Variants in UGT1A10 observed in about 807,000 individuals in gnomAD.
The protein encoded by UGT1A10 is UDP-glucuronosyltransferase 1A10.
Under a neutral mutation model 45.8 loss-of-function variants are expected in UGT1A10, and 49 were observed. That is an observed-to-expected ratio of 1.07 (90% CI 0.85 to 1.36). The LOEUF (loss-of-function observed/expected upper bound fraction) is 1.36, where lower values mean the gene tolerates loss of function less well. Among genes scored for constraint, UGT1A10 ranks in the 40% most tolerant of loss-of-function variants. The probability of loss-of-function intolerance (pLI) is 0.00; values close to 1 mark genes in which losing one functional copy is unlikely to be tolerated. For missense variants in UGT1A10, 745 were observed against 668.6 expected (o/e 1.11, Z -1.26); for synonymous variants, 284 against 249.7 (o/e 1.14, Z -1.29).
chr2:233,755,346 G>A (rs1313684064), intron 1 of UGT1A10: 3 of 411,522 alleles, frequency 7.3e-6, no homozygotes, highest in African/African-American at 6.3e-5. Context: ...CAGGTCAGAG[G>A]CTTGGCGACC....
In UGT1A10 at chr2:233,761,168, G is replaced by T. The variant is rs747133515; in HGVS notation, c.856-5866G>T. 6 of 1,614,050 alleles carry T rather than the reference G, an allele frequency of 3.7e-6. No individual in the cohort carries two copies. In the African/African-American group the frequency reaches 8.0e-5, roughly 22 times the overall value. On this transcript the variant is annotated intron_variant, in intron 1 of 4. Transcript: ENST00000344644. ...CTATCCCAGGTGTGTATTGGAGTGG[G>T]ACTTTTACATGCGTATATTCTTTCA...
intron 1 of UGT1A10, among the ~76,000 whole-genome samples, chr2:233,739,818 A>T (rs1185619139): frequency 6.6e-6 from 1 of 151,978 alleles, no homozygotes; most frequent in Non-Finnish European, 1.5e-5. Context: ...ATTGGTTTTT[A>T]AATGTGAAAA....
intron 1 of UGT1A10, chr2:233,719,180 A>G (rs778527211): frequency 1.6e-5 from 26 of 1,614,056 alleles, no homozygotes; most frequent in Admixed American, 1.3e-4. Flanking sequence ...TGAACAATGT[A>G]TCTTTGGCCC....
At chr2:233,766,928 C>A in intron 1 of UGT1A10, 106 bp from the exon 2 acceptor site, 12 of 1,578,030 alleles carry the variant, frequency 7.6e-6, no homozygotes, top group Non-Finnish European at 9.4e-6. Context: ...ACACGCATGC[C>A]TTTAATCATA....
chr2:233,637,391 C>T lies in UGT1A10; in HGVS notation c.855+14C>T. On this transcript the variant is annotated intron_variant, in intron 1 of 4. Transcript: ENST00000344644. ...CCATTGCCTATGGTAAGTCACCTCT[C>T]CTTTAGCACATTAAGAATAATCTGG... 1 of 1,600,848 alleles carries T rather than the reference C, an allele frequency of 6.2e-7. No homozygotes were observed.
At chr2:233,639,074 G>A (rs1427524020) in intron 1 of UGT1A10, among the ~76,000 whole-genome samples, 2 of 151,976 alleles carry the variant, frequency 1.3e-5, no homozygotes, top group Admixed American at 6.6e-5. Flanking sequence ...TGGCTCACAG[G>A]GTCACCTAGA....
intron 1 of UGT1A10, chr2:233,672,769 C>T (rs144459337): frequency 1.9e-6 from 3 of 1,613,536 alleles, no homozygotes; most frequent in African/African-American, 1.3e-5. Context: ...CAACTGCCAT[C>T]AGGGAAAGCC....
intron 1 of UGT1A10, among the ~76,000 whole-genome samples, chr2:233,684,647 T>A (rs1458462010): frequency 6.6e-6 from 1 of 152,170 alleles, no homozygotes; most frequent in African/African-American, 2.4e-5. Flanking sequence ...AATATATGCA[T>A]TTATATGCCT....
rs72551343 is a variant in UGT1A10, at chr2:233,760,912, C to T, written c.856-6122C>T. 1.4e-5 allele frequency: 23 copies of T among 1,614,070 alleles called. 1 individual carries two copies. In the South Asian group the frequency reaches 1.5e-4, roughly 11 times the overall value. On this transcript the variant is annotated intron_variant, in intron 1 of 4. Transcript: ENST00000344644. ...TTCAGATCACATGACCTTCCTGCAGCGGGTGAAGAACATGCTCATTGCCTT... is the reference window on the plus strand; with the variant it reads ...TTCAGATCACATGACCTTCCTGCAGTGGGTGAAGAACATGCTCATTGCCTT...
intron 1 of UGT1A10, among the ~76,000 whole-genome samples, chr2:233,704,787 A>G (rs1316884961): frequency 6.6e-6 from 1 of 152,096 alleles, no homozygotes; most frequent in Non-Finnish European, 1.5e-5. Context: ...TATAGTCCCA[A>G]CAATATAATT....
chr2:233,769,731 T>C lies in UGT1A10; in HGVS notation c.1295+1292T>C. ...TTGGCTAGGCACCATGGCACACGCC[T>C]GTAGTCCCAGCCACTCTGGAGGCTA... On this transcript the variant is annotated intron_variant, in intron 4 of 4. Coordinates refer to ENST00000344644, the MANE Select transcript of UGT1A10 (RefSeq NM_019075.4). The surrounding 1 kb of genome is among the most constrained non-coding windows in gnomAD (Gnocchi z 4.4). The C allele has an allele frequency of 6.8e-7, 1 of 1,467,200 alleles. No individual in the cohort carries two copies. Among genetic ancestry groups the C allele is most frequent in the Non-Finnish European group, 9.0e-7 (1 of 1,108,292 alleles). 90.9% of individuals were successfully genotyped at this position (1,467,200 alleles called of 1,614,324 possible). A position where few individuals can be genotyped will look rare whatever the true frequency, so the allele number is the denominator to read the frequency against.
chr2:233,711,003 C>T (rs1366862423), intron 1 of UGT1A10, among the ~76,000 whole-genome samples: 1 of 152,174 alleles, frequency 6.6e-6, no homozygotes, highest in African/African-American at 2.4e-5. Context: ...CTATTGGATG[C>T]CTTTTTCTAT....
At chr2:233,747,606 C>T (rs1358183781) in intron 1 of UGT1A10, 1 of 1,574,604 alleles carries the variant, frequency 6.4e-7, no homozygotes, top group Admixed American at 1.7e-5. Flanking sequence ...TGTGGAGCTA[C>T]TGCATAATGA....
intron 1 of UGT1A10, among the ~76,000 whole-genome samples, chr2:233,761,761 G>A (rs990120638): frequency 6.6e-6 from 1 of 152,174 alleles, no homozygotes; most frequent in African/African-American, 2.4e-5. Flanking sequence ...TATGCAAAAA[G>A]TAGCATTCAC....
chr2:233,639,061 T>C (rs1408492841), intron 1 of UGT1A10, among the ~76,000 whole-genome samples: 1 of 152,224 alleles, frequency 6.6e-6, no homozygotes, highest in Non-Finnish European at 1.5e-5. Context: ...GCTGAGTTTA[T>C]TGTGGCTCAC....
At chr2:233,732,524 A>G (rs1199898466) in intron 1 of UGT1A10, among the ~76,000 whole-genome samples, 2 of 152,212 alleles carry the variant, frequency 1.3e-5, no homozygotes, top group African/African-American at 2.4e-5. Context: ...AGCTTTCTAC[A>G]TATGGCCAGT....
chr2:233,691,739 T>C (rs1209957250), intron 1 of UGT1A10: 1 of 680,588 alleles, frequency 1.5e-6, no homozygotes, highest in Non-Finnish European at 1.8e-6. Flanking sequence ...CAGAAGCAGA[T>C]ACCAGGCTTT....
At chr2:233,670,441 T>G (rs2074159895) in intron 1 of UGT1A10, among the ~76,000 whole-genome samples, 1 of 152,256 alleles carries the variant, frequency 6.6e-6, no homozygotes, top group South Asian at 2.1e-4. Flanking sequence ...CCCATTTGCT[T>G]TAGTTTCAGT....
At chr2:233,656,178 G>A (rs2125482340) in intron 1 of UGT1A10, among the ~76,000 whole-genome samples, 1 of 152,310 alleles carries the variant, frequency 6.6e-6, no homozygotes. Flanking sequence ...GAACACACAT[G>A]CATGTTACAT....
Sources: gnomAD v4.1 joint callset for allele counts (sites outside exome capture counted in the v4.1 genomes callset) on GRCh38, gnomAD v4.1.1 for gene constraint, Gnocchi (gnomAD v3.1) non-coding constraint, MANE v1.5 for transcripts, NCBI Gene and HGNC (gene_info 2026-07-23, HGNC 2026-07-21) for gene names.